ZNF831: variants seen among roughly 807,000 people sequenced by gnomAD.
ZNF831 encodes the protein zinc finger protein 831.
A neutral mutation model predicts 95.8 loss-of-function variants in ZNF831; 59 were observed. The ratio of observed to expected loss-of-function variants is 0.62; its 90% CI spans 0.50 to 0.77. The LOEUF (loss-of-function observed/expected upper bound fraction) is 0.77. ZNF831 is among the 30% of genes least tolerant of loss of function. The probability of loss-of-function intolerance (pLI) is 0.00; values close to 1 mark genes in which losing one functional copy is unlikely to be tolerated. For missense variants in ZNF831, 2,205 were observed against 2,164.0 expected (o/e 1.02, Z -0.38); for synonymous variants, 961 against 925.5 (o/e 1.04, Z -0.70).
intron 4 of ZNF831, among the ~76,000 whole-genome samples, chr20:59,252,054 C>T (rs867805765): frequency 1.3e-5 from 2 of 152,156 alleles, no homozygotes; most frequent in Admixed American, 6.5e-5. Flanking sequence ...GGGAAACCCT[C>T]CTCTCTCCCC....
At chr20:59,239,913 C>A (rs1987227124) in intron 4 of ZNF831, among the ~76,000 whole-genome samples, 1 of 152,224 alleles carries the variant, frequency 6.6e-6, no homozygotes, top group Non-Finnish European at 1.5e-5. Flanking sequence ...CACAGTCTTA[C>A]TTCTCCAGTT....
chr20:59,191,683 G>C lies in ZNF831; in HGVS notation c.664G>C (p.Glu222Gln), dbSNP rs1210778443. The C allele has an allele frequency of 6.4e-7, 1 of 1,558,854 alleles. No individual in the cohort carries two copies. The highest frequency in any genetic ancestry group is 1.9e-5 in the Admixed American group (1 of 54,014). Reference sequence around the variant, plus strand: ...CCTGGAGGAAGGGGACAAGGCCGGAGAGCCCCCCAGACCAGAGGGCAGGGG... The same window carrying C: ...CCTGGAGGAAGGGGACAAGGCCGGACAGCCCCCCAGACCAGAGGGCAGGGG... Reference protein sequence around the residue: ...GLLEEGDKAGEPPRPEGRGES... With the variant: ...GLLEEGDKAGQPPRPEGRGES... The change falls in exon 2 of 6, where the codon GAG (glutamate) becomes CAG (glutamine). Residue 222 changes from glutamate (E) to glutamine (Q), a missense_variant. Physicochemically the swap from Glu to Gln is conservative, Grantham distance 29 (BLOSUM62 2). Transcript: ENST00000371030.
At chr20:59,238,958 T>A (rs1262171567) in intron 4 of ZNF831, among the ~76,000 whole-genome samples, 1 of 152,156 alleles carries the variant, frequency 6.6e-6, no homozygotes, top group Non-Finnish European at 1.5e-5. Flanking sequence ...TTCCTCTCTA[T>A]GAGAGAAATA....
At chr20:59,210,712 C>T (rs1006449667) in intron 4 of ZNF831, among the ~76,000 whole-genome samples, 1 of 152,152 alleles carries the variant, frequency 6.6e-6, no homozygotes, top group African/African-American at 2.4e-5. Flanking sequence ...TGGAGGAGTC[C>T]CAGAGATCCT....
chr20:59,236,265 C>T (rs1005388009), intron 4 of ZNF831, among the ~76,000 whole-genome samples: 2 of 152,184 alleles, frequency 1.3e-5, no homozygotes, highest in South Asian at 2.1e-4. Context: ...GCCTAGCCAA[C>T]GAGTCTCTTG....
intron 5 of ZNF831, 45 bp downstream of exon 5, chr20:59,253,183 G>C: frequency 6.2e-7 from 1 of 1,605,544 alleles, no homozygotes; most frequent in Non-Finnish European, 8.5e-7. Context: ...TCCTGGTCTA[G>C]ATGTATAGCC....
In ZNF831 at chr20:59,195,900, C is replaced by A. The variant is rs1984066386; in HGVS notation, c.3770C>A (p.Pro1257His). Residue 1257 changes from proline to histidine, a missense_variant, in exon 3 of 6, where the codon CCC becomes CAC. By Grantham distance (77) the Pro-to-His change is moderately conservative. Coordinates refer to ENST00000371030, the MANE Select transcript of ZNF831 (RefSeq NM_178457.3). ...FSYPTVPGVMPQHQVSEPEWK... is the reference protein window; with the variant it reads ...FSYPTVPGVMHQHQVSEPEWK... ...TACCCAACAGTCCCAGGGGTGATGC[C>A]CCAGCACCAGGTGTCTGAGCCAGAA... is the stretch of plus-strand genomic sequence containing the variant. The A allele has an allele frequency of 6.2e-7, 1 of 1,614,014 alleles. No homozygotes were observed.
chr20:59,212,435 A>C (rs1223797545), intron 4 of ZNF831, among the ~76,000 whole-genome samples: 1 of 152,146 alleles, frequency 6.6e-6, no homozygotes, highest in Non-Finnish European at 1.5e-5. Context: ...CATTCCATCC[A>C]AGTTTCCAGC....
chr20:59,253,880 C>CACTTTT lies in ZNF831; in HGVS notation c.4189-18_4189-17insACTTTT. ...AACCTCCCCCCCCACTTTTTTTTTC[C>CACTTTT]TTTGCACTTTGTTGCAGGATATTTC... is the stretch of plus-strand genomic sequence containing the variant. On this transcript the variant is annotated splice_polypyrimidine_tract_variant and intron_variant, in intron 5 of 5. Coordinates refer to ENST00000371030, the MANE Select transcript of ZNF831 (RefSeq NM_178457.3). The CACTTTT allele has an allele frequency of 1.6e-6, 1 of 621,696 alleles. No individual in the cohort carries two copies. The highest frequency in any genetic ancestry group is 2.3e-6 in the Non-Finnish European group (1 of 439,406). 38.5% of individuals were successfully genotyped at this position (621,696 alleles called of 1,614,324 possible).
At position 59,144,530 on chromosome 20, in the gene ZNF831, G is replaced by GA. The variant is rs11292884; in HGVS notation, c.-1424-1692dup. Among the ~76,000 whole-genome samples, 18 of 151,434 alleles carry GA rather than the reference G, an allele frequency of 1.2e-4. No individual in the cohort carries two copies. The South Asian group carries it at 1.5e-3, about 12-fold the overall frequency. On this transcript the variant is annotated intron_variant, in intron 1 of 7. Coordinates refer to the ZNF831 transcript ENST00000637017. ...GACATTACCCAATGTCCCCAGAGGGGAAAAAAAAATCACTGTTGGTTGAGA... is the reference window on the plus strand; with the variant it reads ...GACATTACCCAATGTCCCCAGAGGGGAAAAAAAAAATCACTGTTGGTTGAGA...
At chr20:59,178,481 C>G (rs892392967) in intron 1 of ZNF831, among the ~76,000 whole-genome samples, 1 of 152,142 alleles carries the variant, frequency 6.6e-6, no homozygotes, top group Non-Finnish European at 1.5e-5. Flanking sequence ...TTCACTCAAC[C>G]AATATTTATT....
chr20:59,232,090 C>T (rs1383452906), intron 4 of ZNF831, among the ~76,000 whole-genome samples: 2 of 152,090 alleles, frequency 1.3e-5, no homozygotes, highest in African/African-American at 2.4e-5. Context: ...GTGTATGTAA[C>T]GAGAGAAGAG....
intron 1 of ZNF831, among the ~76,000 whole-genome samples, chr20:59,188,080 A>G (rs919553453): frequency 3.4e-4 from 51 of 152,204 alleles, no homozygotes; most frequent in African/African-American, 1.2e-3. Flanking sequence ...CTCTCTTTTG[A>G]CTATTTTGAA....
chr20:59,132,040 C>G (rs1422712999), intron 1 of ZNF831, among the ~76,000 whole-genome samples: 1 of 152,254 alleles, frequency 6.6e-6, no homozygotes, highest in African/African-American at 2.4e-5. Context: ...GATGCCTCTT[C>G]TTTGGTGTCT....
In ZNF831 at chr20:59,193,052, C is replaced by T. The variant is rs750113159; in HGVS notation, c.2033C>T (p.Thr678Ile). Residue 678 changes from threonine (T) to isoleucine (I), a missense_variant, in exon 2 of 6, where the codon ACC (threonine) becomes ATC (isoleucine). Coordinates refer to ENST00000371030, the MANE Select transcript of ZNF831 (RefSeq NM_178457.3). Reference protein sequence around the residue: ...SGTVPTQDRRTPVHEDISAGA... With the variant: ...SGTVPTQDRRIPVHEDISAGA... The stretch of plus-strand genomic sequence containing the variant: ...ACAGTCCCCACCCAAGACAGGAGGA[C>T]CCCTGTCCATGAGGACATATCCGCA... The T allele has an allele frequency of 2.5e-6, 4 of 1,579,308 alleles. No homozygotes were observed. In the African/African-American group the frequency reaches 4.0e-5, roughly 16 times the overall value.
chr20:59,192,518 C>T lies in ZNF831; in HGVS notation c.1499C>T (p.Pro500Leu), dbSNP rs2146566955. 6.5e-7 allele frequency: 1 copy of T among 1,536,348 alleles called. No homozygotes were observed. Among genetic ancestry groups the T allele is most frequent in the Non-Finnish European group, 8.7e-7 (1 of 1,143,356 alleles). Residue 500 changes from proline to leucine, a missense_variant, in exon 2 of 6, where the codon CCC becomes CTC. Physicochemically the swap from Pro to Leu is moderately conservative, Grantham distance 98. Coordinates refer to ENST00000371030, the MANE Select transcript of ZNF831 (RefSeq NM_178457.3). The surrounding 1 kb of genome is among the most constrained non-coding windows in gnomAD (Gnocchi z 5.2). ...CTCTCCACCACCGTGGAATGTGTCCCCGTCACCAGGAGCAACTCGCTGCCC... is the reference window on the plus strand; with the variant it reads ...CTCTCCACCACCGTGGAATGTGTCCTCGTCACCAGGAGCAACTCGCTGCCC... ...TQLSTTVECV[P>L]VTRSNSLPFV... is the part of the protein sequence containing the mutation.
intron 1 of ZNF831, among the ~76,000 whole-genome samples, chr20:59,143,631 A>G (rs146523811): frequency 1.3e-5 from 2 of 152,214 alleles, no homozygotes; most frequent in African/African-American, 4.8e-5. Flanking sequence ...TTGGAATTGC[A>G]CCTTCGGGGT....
rs1323400783 is a variant in ZNF831 at position 59,258,256 on chromosome 20, CAG to C, written c.*3515_*3516del. 5 of 152,526 alleles carry C rather than the reference CAG, an allele frequency of 3.3e-5. No individual in the cohort carries two copies. The highest frequency in any genetic ancestry group is 1.2e-4 in the African/African-American group (5 of 41,550). 9.4% of individuals were successfully genotyped at this position (152,526 alleles called of 1,614,324 possible). ...GCATGGTGGGTAACCTAGGGCAAGA[CAG>C]ACTTTTTCTTCCTGAAATCACTCTT... On this transcript the variant is annotated 3_prime_UTR_variant, in exon 6 of 6. Coordinates refer to ENST00000371030, the MANE Select transcript of ZNF831 (RefSeq NM_178457.3).
chr20:59,252,146 A>T (rs1987921497), intron 4 of ZNF831, among the ~76,000 whole-genome samples: 1 of 151,998 alleles, frequency 6.6e-6, no homozygotes, highest in Non-Finnish European at 1.5e-5. Flanking sequence ...AAGTCAAAAG[A>T]CTCCCGAATG....
Sources: gnomAD v4.1 joint callset for allele counts (sites outside exome capture counted in the v4.1 genomes callset) on GRCh38, gnomAD v4.1.1 for gene constraint, Gnocchi (gnomAD v3.1) non-coding constraint, MANE v1.5 for transcripts, NCBI Gene and HGNC (gene_info 2026-07-23, HGNC 2026-07-21) for gene names.